The following TC2N variants were observed in gnomAD, a reference collection of about 807,000 sequenced individuals.
The protein encoded by TC2N is tandem C2 domains, nuclear.
TC2N carries 51 observed loss-of-function variants against 61.9 expected under a neutral mutation model. The ratio of observed to expected loss-of-function variants is 0.82; its 90% confidence interval spans 0.66 to 1.04. TC2N has a LOEUF of 1.04. Ranked by LOEUF, TC2N falls within the 50% of genes least tolerant of loss-of-function variation. The pLI, the probability that TC2N is intolerant of heterozygous loss-of-function variation, is 0.00. For missense variants in TC2N, 556 were observed against 566.7 expected, an observed-to-expected ratio of 0.98 and a Z score of 0.19; for synonymous variants, 204 against 192.6, an observed-to-expected ratio of 1.06 and a Z score of -0.49.
At chr14:91,817,154 T>G (rs1887043169) in intron 1 of TC2N, among the ~76,000 whole-genome samples, 2 of 152,006 alleles carry the variant, frequency 1.3e-5, no homozygotes, top group Non-Finnish European at 2.9e-5. Flanking sequence ...TAGTATATCT[T>G]TATATTTGTT....
At chr14:91,811,201 T>C (rs1041219735) in intron 3 of TC2N, among the ~76,000 whole-genome samples, 2 of 152,096 alleles carry the variant, frequency 1.3e-5, no homozygotes, top group African/African-American at 4.8e-5. Context: ...AGGAAATATA[T>C]TGGTGTCTTC....
rs185899189 is a variant in TC2N at position 91,791,758 on chromosome 14, A to T, written c.1047+609T>A. 8.6e-3 allele frequency among the ~76,000 whole-genome samples: 1,104 copies of T among 128,978 alleles called. 13 individuals are homozygous for T. The highest frequency in any genetic ancestry group is 0.039 in the African/African-American group (971 of 25,096). The allele number at this position is 128,978 out of a possible 152,430, so 84.6% of individuals were successfully genotyped here. On this transcript the variant is annotated intron_variant, in intron 9 of 11. Coordinates refer to ENST00000435962, the MANE Select transcript of TC2N (RefSeq NM_001128596.3). ...AGTTATCAGCTACCTAAAAAAACTT[A>T]AAAAAAAAAAGGTTATTCATACTTC...
intron 9 of TC2N, among the ~76,000 whole-genome samples, chr14:91,790,477 CCAAA>C (rs1163829047): frequency 6.6e-6 from 1 of 152,088 alleles, no homozygotes; most frequent in East Asian, 1.9e-4. Context: ...CCAGCATAGC[CCAAA>C]CACTCTTCTT....
At chr14:91,847,121 T>C (rs1252694969) in intron 1 of TC2N, among the ~76,000 whole-genome samples, 2 of 151,960 alleles carry the variant, frequency 1.3e-5, no homozygotes, top group Non-Finnish European at 2.9e-5. Context: ...AGCCAGGCGT[T>C]GTGGTGGGCG....
chr14:91,860,050 G>C (rs1888560066), intron 1 of TC2N, among the ~76,000 whole-genome samples: 1 of 152,172 alleles, frequency 6.6e-6, no homozygotes, highest in African/African-American at 2.4e-5. Flanking sequence ...TAAGGACCTA[G>C]TCAGTCTTAC....
At position 91,837,949 on chromosome 14, in the gene TC2N, A is replaced by G. The variant is rs953635472; in HGVS notation, c.-56-24124T>C. Among the ~76,000 whole-genome samples, 3 of 152,218 alleles carry G rather than the reference A, an allele frequency of 2.0e-5. No homozygotes were observed. Among genetic ancestry groups the G allele is most frequent in the Admixed American group, 2.0e-4 (3 of 15,284 alleles). On this transcript the variant is annotated intron_variant, in intron 1 of 11. Transcript: ENST00000435962. The surrounding 1 kb of genome is among the most constrained non-coding windows in gnomAD (Gnocchi z 4.2). ...TTGCAAAGTTGTGCACTGTTCACAC[A>G]AAACTTTCATGAGTCATCTCATTTA...
intron 1 of TC2N, among the ~76,000 whole-genome samples, chr14:91,825,026 C>CTTTTTT (rs5810554): frequency 1.6e-4 from 11 of 66,864 alleles, no homozygotes; most frequent in Non-Finnish European, 2.3e-4. Flanking sequence ...TTTTTCTTTT[C>CTTTTTT]TTTTTTTTTT....
chr14:91,838,465 A>G (rs939307980), intron 1 of TC2N, among the ~76,000 whole-genome samples: 2 of 152,120 alleles, frequency 1.3e-5, no homozygotes, highest in Non-Finnish European at 2.9e-5. Context: ...ACCTAAGGAG[A>G]GCACATCCTT....
chr14:91,811,261 A>G (rs1243164103), intron 3 of TC2N, among the ~76,000 whole-genome samples: 1 of 152,162 alleles, frequency 6.6e-6, no homozygotes, highest in East Asian at 1.9e-4. Flanking sequence ...AATAATGGAT[A>G]GAAGAATGGA....
intron 1 of TC2N, among the ~76,000 whole-genome samples, chr14:91,853,117 C>T (rs1280165958): frequency 1.3e-5 from 2 of 151,998 alleles, no homozygotes; most frequent in South Asian, 2.1e-4. Flanking sequence ...CACAACATGG[C>T]TGTTATTAAA....
intron 1 of TC2N, among the ~76,000 whole-genome samples, chr14:91,861,547 G>A (rs1307108185): frequency 6.6e-6 from 1 of 152,226 alleles, no homozygotes; most frequent in Non-Finnish European, 1.5e-5. Flanking sequence ...TGCAGAGAAA[G>A]AAAGAAGAGA....
At chr14:91,793,750 C>T (rs983056843) in intron 8 of TC2N, among the ~76,000 whole-genome samples, 8 of 152,200 alleles carry the variant, frequency 5.3e-5, no homozygotes, top group African/African-American at 1.9e-4. Context: ...TCTCCTCAGG[C>T]CTCCCTGTTT....
At chr14:91,852,975 G>T (rs556702208) in intron 1 of TC2N, among the ~76,000 whole-genome samples, 1 of 152,178 alleles carries the variant, frequency 6.6e-6, no homozygotes, top group Admixed American at 6.5e-5. Flanking sequence ...GGAGGCTGAG[G>T]CAGGAGAATG....
At chr14:91,857,755 C>T (rs1888510307) in intron 1 of TC2N, among the ~76,000 whole-genome samples, 1 of 152,090 alleles carries the variant, frequency 6.6e-6, no homozygotes. Flanking sequence ...TCGCCTGAAC[C>T]ACAACAAAAT....
chr14:91,802,455 C>G, intron 3 of TC2N, 34 bp from the exon 4 acceptor site: 1 of 1,600,722 alleles, frequency 6.2e-7, no homozygotes, highest in South Asian at 1.1e-5. Context: ...TTTATAACAT[C>G]CTTTTCTTGG....
At chr14:91,856,562 C>T (rs1888487610) in intron 1 of TC2N, among the ~76,000 whole-genome samples, 1 of 151,562 alleles carries the variant, frequency 6.6e-6, no homozygotes. Flanking sequence ...GCCTGGGAGG[C>T]TTCATGTGGT....
Position 91,802,381 on chromosome 14 carries a change from A to G in TC2N, c.342T>C (p.Leu114=), listed in dbSNP as rs575562849. 4 of 1,612,750 alleles carry G rather than the reference A, an allele frequency of 2.5e-6. No homozygotes were observed. Among genetic ancestry groups the G allele is most frequent in the African/African-American group, 2.7e-5 (2 of 74,954 alleles). The part of the protein sequence containing the change: ...RASFGDRKVE[L]SSSSQHGPSY... ...TAGGTCCGTGCTGGGATGAACTGGA[A>G]AGTTCTACCTTTCGATCTCCAAAAG... The change falls in exon 4 of 12, where the codon CTT becomes CTC. Residue 114 remains leucine (L), a synonymous_variant. Transcript: ENST00000435962.
In TC2N at chr14:91,861,083, TG is replaced by T. The variant is rs550479591; in HGVS notation, c.-57+6178del. The stretch of plus-strand genomic sequence containing the variant: ...TAATGGAGTGGGACAAAAGGAGTGC[TG>T]GAAAGATGTTTTGAAGTCCATGTTT... On this transcript the variant is annotated intron_variant, in intron 1 of 11. Coordinates refer to ENST00000435962, the MANE Select transcript of TC2N (RefSeq NM_001128596.3). Among the ~76,000 whole-genome samples, 67 of 152,260 alleles carry T rather than the reference TG, an allele frequency of 4.4e-4. 1 individual carries two copies. The highest frequency in any genetic ancestry group is 1.6e-3 in the African/African-American group (65 of 41,546).
intron 3 of TC2N, among the ~76,000 whole-genome samples, chr14:91,803,376 T>A (rs560807695): frequency 7.8e-6 from 1 of 127,612 alleles, no homozygotes; most frequent in Admixed American, 8.4e-5. Context: ...TATACATACA[T>A]ATATACACAC....
Sources: allele counts gnomAD v4.1 joint callset (sites outside exome capture counted in the v4.1 genomes callset), GRCh38; gene constraint gnomAD v4.1.1; non-coding constraint Gnocchi (gnomAD v3.1); transcripts MANE v1.5; gene names NCBI Gene and HGNC (gene_info 2026-07-23, HGNC 2026-07-21).